The following ZNF536 variants were observed in gnomAD, a reference collection of about 807,000 sequenced individuals.
ZNF536 encodes the protein zinc finger protein 536.
ZNF536 carries 13 observed loss-of-function variants against 84.5 expected under a neutral mutation model. The observed-to-expected ratio is 0.15, with a 90% CI of 0.10 to 0.24. The LOEUF (loss-of-function observed/expected upper bound fraction) is 0.24. ZNF536 is among the 10% of genes least tolerant of loss of function. ZNF536 has a pLI of 1.00. For synonymous variants in ZNF536, 811 were observed against 742.5 expected (o/e 1.09, Z -1.50); for missense variants, 1,536 against 1,747.5 (o/e 0.88, Z 2.16).
At chr19:30,402,620 G>T (rs1001806748) in intron 1 of ZNF536, among the ~76,000 whole-genome samples, 2 of 151,486 alleles carry the variant, frequency 1.3e-5, no homozygotes, top group Admixed American at 6.6e-5. Flanking sequence ...ACCCTGTACG[G>T]CTCGACAGGC....
Position 30,707,161 on chromosome 19 carries a change from C to T in ZNF536, c.170-3596C>T, listed in dbSNP as rs2052275651. 1.3e-5 allele frequency among the ~76,000 whole-genome samples: 2 copies of T among 152,040 alleles called. 1 individual carries two copies. The highest frequency in any genetic ancestry group is 4.1e-4 in the South Asian group (2 of 4,830). On this transcript the variant is annotated intron_variant, in intron 1 of 1. Coordinates refer to the ZNF536 transcript ENST00000592773. ...TCTGTGTTGTCTCTAAGATGCTTGG[C>T]CAGGACGATCTACTTGGAACTCACT... is the stretch of plus-strand genomic sequence containing the variant.
At chr19:30,707,391 C>T (rs1289686842) in intron 1 of ZNF536, among the ~76,000 whole-genome samples, 1 of 152,112 alleles carries the variant, frequency 6.6e-6, no homozygotes, top group Non-Finnish European at 1.5e-5. Flanking sequence ...TTGTCCTTCG[C>T]CTCCCAACCC....
chr19:30,305,839 G>A (rs1389444425), intron 2 of ZNF536, among the ~76,000 whole-genome samples: 1 of 152,230 alleles, frequency 6.6e-6, no homozygotes, highest in Non-Finnish European at 1.5e-5. Flanking sequence ...GGGCCAGCGT[G>A]GGTGAGGAAA....
chr19:30,410,680 G>A (rs938463408), intron 1 of ZNF536, among the ~76,000 whole-genome samples: 4 of 151,772 alleles, frequency 2.6e-5, no homozygotes, highest in Admixed American at 1.3e-4. Flanking sequence ...GGGTTTCACC[G>A]TGTTAGCCAG....
At chr19:30,381,051 A>T (rs966982018) in intron 1 of ZNF536, among the ~76,000 whole-genome samples, 5 of 151,792 alleles carry the variant, frequency 3.3e-5, no homozygotes, top group Non-Finnish European at 5.9e-5. Context: ...TAATTTTAAA[A>T]TTTTTTTGTA....
chr19:30,363,851 C>A (rs1034930312), intron 3 of ZNF536, among the ~76,000 whole-genome samples: 2 of 152,100 alleles, frequency 1.3e-5, no homozygotes, highest in African/African-American at 4.8e-5. Context: ...AAATATTCAC[C>A]AATCGAGATG....
intron 3 of ZNF536, among the ~76,000 whole-genome samples, chr19:30,360,991 T>C (rs1193795027): frequency 6.6e-6 from 1 of 152,244 alleles, no homozygotes; most frequent in Admixed American, 6.5e-5. Flanking sequence ...TTAATAACAA[T>C]CACCTTCCCT....
chr19:30,553,083 A>G (rs1419708334), intron 4 of ZNF536, among the ~76,000 whole-genome samples: 1 of 152,198 alleles, frequency 6.6e-6, no homozygotes. Flanking sequence ...AGCATAATGT[A>G]CAAGGGTACT....
intron 2 of ZNF536, among the ~76,000 whole-genome samples, chr19:30,337,185 C>G (rs559779878): frequency 3.3e-5 from 5 of 152,254 alleles, no homozygotes; most frequent in Admixed American, 2.0e-4. Flanking sequence ...GATGGAAACC[C>G]CTGCTGAGGC....
At chr19:30,510,196 C>T (rs1256856097) in intron 2 of ZNF536, among the ~76,000 whole-genome samples, 1 of 152,084 alleles carries the variant, frequency 6.6e-6, no homozygotes, top group African/African-American at 2.4e-5. Flanking sequence ...ACTATGCAGC[C>T]AGGTGCTTGT....
At chr19:30,638,382 T>C (rs1006749963) in intron 1 of ZNF536, among the ~76,000 whole-genome samples, 6 of 152,208 alleles carry the variant, frequency 3.9e-5, no homozygotes, top group African/African-American at 9.7e-5. Flanking sequence ...GGAAGCATGA[T>C]GTTGCATCTG....
At chr19:30,364,160 G>T (rs1470459705) in intron 3 of ZNF536, among the ~76,000 whole-genome samples, 1 of 152,162 alleles carries the variant, frequency 6.6e-6, no homozygotes, top group Non-Finnish European at 1.5e-5. Context: ...GACTCACTGG[G>T]ATATAGCCAA....
In ZNF536 at chr19:30,616,201, T is replaced by C. The variant is rs111559063; in HGVS notation, c.169+66687T>C. ...GCTCCTTTTCCATTGCAATGACTAA[T>C]ATATTTGAGAGAAATGCGCAGTAAG... On this transcript the variant is annotated intron_variant, in intron 1 of 1. Transcript: ENST00000592773. Among the ~76,000 whole-genome samples, 1,062 of 152,346 alleles carry C rather than the reference T, an allele frequency of 7.0e-3. 15 individuals carry two copies. Among genetic ancestry groups the C allele is most frequent in the African/African-American group, 0.024 (986 of 41,584 alleles).
intron 1 of ZNF536, among the ~76,000 whole-genome samples, chr19:30,652,053 A>G (rs1344459441): frequency 6.6e-6 from 1 of 152,242 alleles, no homozygotes; most frequent in Non-Finnish European, 1.5e-5. Flanking sequence ...TATGTTTACC[A>G]AGGCCAGGCC....
chr19:30,289,071 A>G (rs1453182677), intron 2 of ZNF536, among the ~76,000 whole-genome samples: 1 of 152,120 alleles, frequency 6.6e-6, no homozygotes. Flanking sequence ...GTGAAGGAGC[A>G]TTGTTGACAC....
At chr19:30,244,578 A>G (rs541087609) in intron 1 of ZNF536, among the ~76,000 whole-genome samples, 2 of 152,318 alleles carry the variant, frequency 1.3e-5, no homozygotes, top group East Asian at 3.9e-4. Context: ...ATTACAGAAG[A>G]ATTTCGAAAC....
intron 2 of ZNF536, among the ~76,000 whole-genome samples, chr19:30,450,103 T>C (rs992063320): frequency 6.8e-6 from 1 of 146,194 alleles, no homozygotes; most frequent in African/African-American, 2.5e-5. Context: ...GCTTGTGCAT[T>C]CCAATTGTTC....
intron 1 of ZNF536, among the ~76,000 whole-genome samples, chr19:30,566,967 G>C (rs2046373459): frequency 6.6e-6 from 1 of 151,748 alleles, no homozygotes; most frequent in African/African-American, 2.4e-5. Context: ...CCATGCAGTG[G>C]AGGTCCCTGT....
chr19:30,669,578 G>T (rs767675753), intron 1 of ZNF536, among the ~76,000 whole-genome samples: 2 of 152,208 alleles, frequency 1.3e-5, no homozygotes, highest in Non-Finnish European at 2.9e-5. Context: ...CCACTCTCCT[G>T]CTGCGGGGAC....
Sources: allele counts gnomAD v4.1 joint callset (sites outside exome capture counted in the v4.1 genomes callset), GRCh38; gene constraint gnomAD v4.1.1; transcripts MANE v1.5; gene names NCBI Gene and HGNC (gene_info 2026-07-23, HGNC 2026-07-21).